ERGIC1: variants seen among roughly 807,000 people sequenced by gnomAD.
ERGIC1 encodes the protein endoplasmic reticulum-Golgi intermediate compartment protein 1.
In ERGIC1, 19 loss-of-function variants were observed where a neutral mutation model predicts 38.3. The ratio of observed to expected loss-of-function variants is 0.50; its 90% CI spans 0.35 to 0.73. ERGIC1 has a LOEUF of 0.73. Ranked by LOEUF, ERGIC1 falls within the 30% of genes least tolerant of loss-of-function variation. The pLI, the probability that ERGIC1 is intolerant of heterozygous loss-of-function variation, is 0.01. For synonymous variants in ERGIC1, 124 were observed against 157.6 expected (o/e 0.79, Z 1.60); for missense variants, 294 against 389.2 (o/e 0.76, Z 2.06).
intron 1 of ERGIC1, among the ~76,000 whole-genome samples, chr5:172,847,183 C>CTG (rs560081833): frequency 2.6e-5 from 4 of 152,112 alleles, no homozygotes; most frequent in Non-Finnish European, 4.4e-5. Flanking sequence ...CTGGGGTGTG[C>CTG]TGGATCCTCT....
intron 2 of ERGIC1, among the ~76,000 whole-genome samples, chr5:172,891,036 G>A (rs2113274809): frequency 6.6e-6 from 1 of 152,368 alleles, no homozygotes; most frequent in South Asian, 2.1e-4. Context: ...GACTGAGCAA[G>A]TCACTCCCCT....
intron 2 of ERGIC1, among the ~76,000 whole-genome samples, chr5:172,896,111 G>A (rs1762715038): frequency 6.6e-6 from 1 of 152,134 alleles, no homozygotes; most frequent in African/African-American, 2.4e-5. Context: ...GGGAGGCTGA[G>A]GCGGGCGGTT....
At chr5:172,892,299 G>A (rs937483036) in intron 2 of ERGIC1, among the ~76,000 whole-genome samples, 2 of 152,144 alleles carry the variant, frequency 1.3e-5, no homozygotes, top group South Asian at 2.1e-4. Flanking sequence ...GCTGATGAAC[G>A]GGGCTTCCAT....
At chr5:172,882,692 A>T (rs960659445) in intron 1 of ERGIC1, among the ~76,000 whole-genome samples, 8 of 152,010 alleles carry the variant, frequency 5.3e-5, no homozygotes, top group African/African-American at 1.9e-4. Context: ...AGCATCATTT[A>T]CTCTTTCCTT....
Position 172,910,546 on chromosome 5 carries a change from C to T in ERGIC1, c.250+785C>T, listed in dbSNP as rs1277979044. ...TTTTTTTTTTTTTTTTTTTTTGAGA[C>T]GGAGTTTCACTCCTGTCACCCAGGC... On this transcript the variant is annotated intron_variant, in intron 4 of 9. Transcript: ENST00000393784. Among the ~76,000 whole-genome samples the T allele has an allele frequency of 7.4e-5, 9 of 120,942 alleles. No individual in the cohort carries two copies. In the East Asian group the frequency reaches 1.1e-3, roughly 15 times the overall value. The allele number at this position is 120,942 out of a possible 152,430, so 79.3% of individuals were successfully genotyped here.
intron 5 of ERGIC1, chr5:172,915,716 T>C (rs1763347988): frequency 2.2e-6 from 1 of 451,242 alleles, no homozygotes; most frequent in Non-Finnish European, 4.7e-6. Flanking sequence ...CCCAGAGAGG[T>C]TAAGTGTCTT....
rs570381853 is a variant in ERGIC1 at position 172,839,336 on chromosome 5, G to T, written c.20+4903G>T. Among the ~76,000 whole-genome samples the T allele has an allele frequency of 3.3e-3, 497 of 151,598 alleles. 2 individuals carry two copies. The highest frequency in any genetic ancestry group is 4.4e-3 in the Non-Finnish European group (299 of 67,910). On this transcript the variant is annotated intron_variant, in intron 1 of 9. Transcript: ENST00000393784. Reference sequence around the variant, plus strand: ...TTTGGGAGGCCAAAGTGGGAGGATTGCTTGAGGATTGCAGGAGTTCAAGAC... The same window carrying T: ...TTTGGGAGGCCAAAGTGGGAGGATTTCTTGAGGATTGCAGGAGTTCAAGAC...
chr5:172,880,164 G>T (rs1034414044), intron 1 of ERGIC1, among the ~76,000 whole-genome samples: 1 of 152,204 alleles, frequency 6.6e-6, no homozygotes, highest in East Asian at 1.9e-4. Context: ...AGCCTCCCCA[G>T]TAGCTGGGAT....
chr5:172,834,568 G>A lies in ERGIC1; in HGVS notation c.20+135G>A, dbSNP rs536787671. 14 of 815,322 alleles carry A rather than the reference G, an allele frequency of 1.7e-5. No homozygotes were observed. The African/African-American group carries it at 2.6e-4, about 15-fold the overall frequency. 50.5% of individuals were successfully genotyped at this position (815,322 alleles called of 1,614,324 possible). On this transcript the variant is annotated intron_variant, in intron 1 of 9. Coordinates refer to ENST00000393784, the MANE Select transcript of ERGIC1 (RefSeq NM_001031711.3). This position sits in a 1 kb window ranked among gnomAD's most constrained non-coding sequence, Gnocchi z 4.1. ...GTGCATGCCTCCGCAGGCCCCTAGG[G>A]ACCCCAGGCGAGCCCCCCCCCTGCC...
intron 2 of ERGIC1, among the ~76,000 whole-genome samples, chr5:172,889,568 G>C (rs1055781399): frequency 2.6e-5 from 4 of 152,116 alleles, no homozygotes; most frequent in African/African-American, 9.7e-5. Context: ...GAGCCAACTT[G>C]AAAGTCAGCC....
chr5:172,852,480 T>C (rs532834645), intron 1 of ERGIC1, among the ~76,000 whole-genome samples: 1 of 152,298 alleles, frequency 6.6e-6, no homozygotes, highest in Middle Eastern at 3.4e-3. Context: ...GCCACTGGCC[T>C]TTGGGAAATA....
At chr5:172,873,450 G>A (rs927341286) in intron 1 of ERGIC1, among the ~76,000 whole-genome samples, 4 of 152,246 alleles carry the variant, frequency 2.6e-5, no homozygotes, top group Admixed American at 2.0e-4. Context: ...GCCTTGCCCA[G>A]CCAGGGCCTC....
At chr5:172,854,584 G>C (rs937545784) in intron 1 of ERGIC1, among the ~76,000 whole-genome samples, 6 of 152,240 alleles carry the variant, frequency 3.9e-5, no homozygotes, top group Non-Finnish European at 7.3e-5. Context: ...CAGCACGTCC[G>C]CATGGTCCCG....
chr5:172,901,290 G>A (rs757662052), intron 3 of ERGIC1, among the ~76,000 whole-genome samples: 2 of 152,198 alleles, frequency 1.3e-5, no homozygotes, highest in Non-Finnish European at 2.9e-5. Flanking sequence ...GCTCCAACCT[G>A]GCTTTGGACA....
At chr5:172,950,666 C>A in intron 9 of ERGIC1, 43 bp from the exon 10 acceptor site, 2 of 1,570,936 alleles carry the variant, frequency 1.3e-6, no homozygotes, top group Non-Finnish European at 1.7e-6. Flanking sequence ...CATCCTCCAG[C>A]ACTGACTTCT....
At chr5:172,843,796 G>A (rs984915533) in intron 1 of ERGIC1, among the ~76,000 whole-genome samples, 1 of 152,156 alleles carries the variant, frequency 6.6e-6, no homozygotes, top group Non-Finnish European at 1.5e-5. Context: ...CTTCCTCAGT[G>A]TTTACCAGCT....
In ERGIC1 at chr5:172,834,304, G is replaced by T; in HGVS notation, c.-110G>T. The T allele has an allele frequency of 1.9e-6, 2 of 1,044,824 alleles. No homozygotes were observed. Among genetic ancestry groups the T allele is most frequent in the Non-Finnish European group, 2.4e-6 (2 of 843,910 alleles). 64.7% of individuals were successfully genotyped at this position (1,044,824 alleles called of 1,614,324 possible). A position where few individuals can be genotyped will look rare whatever the true frequency, so the allele number is the denominator to read the frequency against. ...AGTGGCGAGTGGCGAGTGTCAGGGG[G>T]GCGGCCGGCGGGGGCGGGGCGGCCG... is the stretch of plus-strand genomic sequence containing the variant. On this transcript the variant is annotated 5_prime_UTR_variant, in exon 1 of 10. Coordinates refer to ENST00000393784, the MANE Select transcript of ERGIC1 (RefSeq NM_001031711.3). This position sits in a 1 kb window ranked among gnomAD's most constrained non-coding sequence, Gnocchi z 4.1.
At chr5:172,905,180 C>T in intron 3 of ERGIC1, 2 of 239,658 alleles carry the variant, frequency 8.3e-6, no homozygotes, top group Non-Finnish European at 1.8e-5. Context: ...CCAGCCTCGC[C>T]AGGTGGGAAA....
chr5:172,863,009 T>C (rs369380885), intron 1 of ERGIC1, among the ~76,000 whole-genome samples: 4 of 152,280 alleles, frequency 2.6e-5, no homozygotes, highest in East Asian at 3.9e-4. Flanking sequence ...ACATACGAAC[T>C]CTCCCTCTGT....
Sources: allele counts gnomAD v4.1 joint callset (sites outside exome capture counted in the v4.1 genomes callset), GRCh38; gene constraint gnomAD v4.1.1; non-coding constraint Gnocchi (gnomAD v3.1); transcripts MANE v1.5; gene names NCBI Gene and HGNC (gene_info 2026-07-23, HGNC 2026-07-21).